HPD: variants seen among roughly 807,000 people sequenced by gnomAD.
HPD encodes the protein 4-hydroxyphenylpyruvic acid oxidase.
HPD carries 35 observed loss-of-function variants against 56.9 expected under a neutral mutation model. The ratio of observed to expected loss-of-function variants is 0.62; its 90% CI spans 0.47 to 0.82. The LOEUF (loss-of-function observed/expected upper bound fraction) is 0.82. Among genes scored for constraint, HPD ranks in the 40% least tolerant of loss-of-function variants. The pLI, the probability that HPD is intolerant of heterozygous loss-of-function variation, is 0.00. For synonymous variants in HPD, 186 were observed against 200.2 expected, an observed-to-expected ratio of 0.93 and a Z score of 0.60; for missense variants, 442 against 506.8, an observed-to-expected ratio of 0.87 and a Z score of 1.23.
upstream of HPD, chr12:121,863,414 C>T (rs1878237453): frequency 6.6e-6 from 1 of 152,262 alleles, no homozygotes; most frequent in Non-Finnish European, 1.5e-5. Flanking sequence ...TCAAAACTCC[C>T]CACCAAATGT....
chr12:121,854,551 C>T (rs1877923409), intron 7 of HPD, 152 bp downstream of exon 7: 19 of 729,964 alleles, frequency 2.6e-5, no homozygotes, highest in Middle Eastern at 3.0e-4. Context: ...AGTCCCCGTA[C>T]ACTGGCCAGG....
the HPD span, among the ~76,000 whole-genome samples, chr12:121,878,398 G>C: frequency 0.02 from 3,047 of 152,244 alleles, 34 homozygotes; most frequent in Middle Eastern, 0.044. Context: ...GCCCAGGCTG[G>C]GGTATAGTGG....
intron 8 of HPD, among the ~76,000 whole-genome samples, chr12:121,849,360 G>A (rs976331334): frequency 1.3e-5 from 2 of 151,928 alleles, no homozygotes; most frequent in Admixed American, 6.6e-5. Flanking sequence ...CTAATGGGCC[G>A]GACATTTTAT....
At chr12:121,864,855 AAAC>A (rs149108918), upstream of HPD, among the ~76,000 whole-genome samples, 88,545 of 150,492 alleles carry the variant, frequency 0.59, 26,464 homozygotes, top group African/African-American at 0.69. Context: ...TCCGTCTCAA[AAAC>A]AACAACAACA....
chr12:121,858,844 C>T lies in HPD; in HGVS notation c.-21G>A, dbSNP rs375295269. The T allele has an allele frequency of 1.2e-6, 2 of 1,613,974 alleles. No individual in the cohort carries two copies. Among genetic ancestry groups the T allele is most frequent in the African/African-American group, 2.7e-5 (2 of 74,926 alleles). ...ACCATGATTGATCTTAGTCAAACCT[C>T]CTACTGGGACTAGAGGCCTGGGGAG... On this transcript the variant is annotated 5_prime_UTR_variant, in exon 1 of 14. Coordinates refer to ENST00000289004, the MANE Select transcript of HPD (RefSeq NM_002150.3).
At chr12:121,857,853 C>T (rs1878063029) in intron 2 of HPD, 34 bp from the exon 3 acceptor site, 1 of 1,574,994 alleles carries the variant, frequency 6.3e-7, no homozygotes, top group Non-Finnish European at 8.7e-7. Context: ...GGTTGAGTCC[C>T]TGAAAGTGAG....
chr12:121,861,985 C>T (rs900331795), upstream of HPD, among the ~76,000 whole-genome samples: 1 of 151,850 alleles, frequency 6.6e-6, no homozygotes, highest in Non-Finnish European at 1.5e-5. Flanking sequence ...ACTCCAGCCT[C>T]GGTGACAGAG....
intron 4 of HPD, chr12:121,857,107 T>C: frequency 1.8e-6 from 1 of 558,630 alleles, no homozygotes; most frequent in Non-Finnish European, 3.2e-6. Context: ...TGAGATGGAG[T>C]CTTGCTCTGT....
intron 7 of HPD, among the ~76,000 whole-genome samples, 156 bp downstream of exon 7, chr12:121,854,547 C>T (rs550234918): frequency 4.8e-4 from 73 of 152,246 alleles, no homozygotes; most frequent in Non-Finnish European, 8.1e-4. Flanking sequence ...CTGCAGTCCC[C>T]GTACACTGGC....
chr12:121,856,514 T>C, intron 5 of HPD, 69 bp downstream of exon 5: 1 of 1,600,650 alleles, frequency 6.2e-7, no homozygotes, highest in African/African-American at 1.3e-5. Flanking sequence ...CACGGAGCCA[T>C]GCGTCCACCC....
chr12:121,846,788 GC>G, intron 11 of HPD, 73 bp downstream of exon 11: 2 of 1,411,936 alleles, frequency 1.4e-6, no homozygotes, highest in Non-Finnish European at 2.0e-6. Flanking sequence ...GCCGCCACCC[GC>G]CCTCTCAATT....
At chr12:121,854,928 C>CT in intron 6 of HPD, 136 bp from the exon 7 acceptor site, 1 of 712,828 alleles carries the variant, frequency 1.4e-6, no homozygotes, top group Non-Finnish European at 2.6e-6. Context: ...GGAACCCCAG[C>CT]CAGCTTCAGC....
At position 121,856,395 on chromosome 12, in the gene HPD, G is replaced by A; in HGVS notation, c.253C>T (p.His85Tyr). 6.2e-7 allele frequency: 1 copy of A among 1,614,064 alleles called. No homozygotes were observed. The highest frequency in any genetic ancestry group is 1.1e-5 in the South Asian group (1 of 91,080). The part of the protein sequence containing the change: ...LNPWNKEMGD[H>Y]LVKHGDGVKD... ...ACTCCGTCACCGTGTTTCACCAGGT[G>A]ATCGCCCATCTCTGTGGCCGGCAGG... Residue 85 changes from histidine (H) to tyrosine (Y), a missense_variant, in exon 6 of 14, where the codon CAC (histidine) becomes TAC (tyrosine). Physicochemically the swap from His to Tyr is moderately conservative, Grantham distance 83. Transcript: ENST00000289004.
chr12:121,884,358 T>C, the HPD span, among the ~76,000 whole-genome samples: 1 of 152,130 alleles, frequency 6.6e-6, no homozygotes, highest in South Asian at 2.1e-4. Context: ...AGATGGGGTT[T>C]TACTATGTTG....
chr12:121,859,158 G>A (rs529341202), upstream of HPD: 109 of 415,210 alleles, frequency 2.6e-4, no homozygotes, highest in African/African-American at 1.3e-3. Context: ...AGCCAAGGCC[G>A]GCTGGAGTGC....
At chr12:121,855,360 C>T (rs770100663) in intron 6 of HPD, among the ~76,000 whole-genome samples, 1 of 152,202 alleles carries the variant, frequency 6.6e-6, no homozygotes, top group Non-Finnish European at 1.5e-5. Context: ...CTCTGGAACG[C>T]ACACTCTGAA....
chr12:121,852,065 G>C (rs188262807), intron 7 of HPD, among the ~76,000 whole-genome samples: 2 of 151,982 alleles, frequency 1.3e-5, no homozygotes, highest in Non-Finnish European at 2.9e-5. Context: ...TGTCAACCAG[G>C]CTGAAGTGCA....
intron 11 of HPD, among the ~76,000 whole-genome samples, chr12:121,844,941 A>G (rs1459790490): frequency 6.7e-6 from 1 of 148,962 alleles, no homozygotes; most frequent in African/African-American, 2.5e-5. Context: ...AAAGTTATCC[A>G]GGCGTGGTGT....
the HPD span, among the ~76,000 whole-genome samples, chr12:121,885,486 C>T: frequency 1.3e-5 from 2 of 152,226 alleles, no homozygotes; most frequent in African/African-American, 4.8e-5. Context: ...AGGTGTGAGC[C>T]ACCACGCCCG....
Sources: gnomAD v4.1 joint callset for allele counts (sites outside exome capture counted in the v4.1 genomes callset) on GRCh38, gnomAD v4.1.1 for gene constraint, MANE v1.5 for transcripts, NCBI Gene and HGNC (gene_info 2026-07-23, HGNC 2026-07-21) for gene names.